The following F13A1 variants were observed in gnomAD, a reference collection of about 807,000 sequenced individuals.
F13A1 encodes the protein FSF, A subunit.
A neutral mutation model predicts 80.1 loss-of-function variants in F13A1; 47 were observed. The observed-to-expected ratio is 0.59, with a 90% CI of 0.46 to 0.75. F13A1 has a LOEUF of 0.75. Ranked by LOEUF, F13A1 falls within the 30% of genes least tolerant of loss-of-function variation. The pLI is 0.00. For missense variants in F13A1, 817 were observed against 930.4 expected (o/e 0.88, Z 1.59); for synonymous variants, 349 against 344.9 (o/e 1.01, Z -0.13).
intron 6 of F13A1, among the ~76,000 whole-genome samples, chr6:6,232,972 C>T: frequency 6.6e-6 from 1 of 152,028 alleles, no homozygotes; most frequent in Non-Finnish European, 1.5e-5. Context: ...GAGGAAAGTT[C>T]ATAGACCTAA....
At chr6:6,228,264 A>G (rs1757303022) in intron 6 of F13A1, among the ~76,000 whole-genome samples, 1 of 152,138 alleles carries the variant, frequency 6.6e-6, no homozygotes, top group Non-Finnish European at 1.5e-5. Context: ...AAAAACCCCT[A>G]AAAGTCATTA....
chr6:6,314,630 A>G (rs1192763272), intron 2 of F13A1, among the ~76,000 whole-genome samples: 2 of 152,156 alleles, frequency 1.3e-5, no homozygotes, highest in African/African-American at 2.4e-5. Context: ...TTTCACTGCA[A>G]TTTGCATAAA....
At chr6:6,308,691 C>A (rs1758549295) in intron 2 of F13A1, among the ~76,000 whole-genome samples, 1 of 143,556 alleles carries the variant, frequency 7.0e-6, no homozygotes, top group Admixed American at 7.4e-5. Flanking sequence ...CAGCTCACTG[C>A]AACTTCTGCC....
intron 10 of F13A1, among the ~76,000 whole-genome samples, chr6:6,185,290 C>A (rs1488998837): frequency 1.6e-5 from 2 of 127,048 alleles, no homozygotes; most frequent in African/African-American, 3.0e-5. Context: ...CTCCCCCCAC[C>A]CCACAACAGT....
rs531571753 is a variant in F13A1 at position 6,159,387 on chromosome 6, A to C, written c.1909-7438T>G. 3.3e-5 allele frequency among the ~76,000 whole-genome samples: 5 copies of C among 152,320 alleles called. No homozygotes were observed. In the South Asian group the frequency reaches 1.0e-3, roughly 32 times the overall value. On this transcript the variant is annotated intron_variant, in intron 13 of 14. Transcript: ENST00000264870. ...CCTCGGTAAAAATTGTGGGCATCTC[A>C]TGAAAAGCTCCAGTTAGAACACAAC...
chr6:6,296,707 C>T (rs1388765749), intron 3 of F13A1, among the ~76,000 whole-genome samples: 1 of 146,992 alleles, frequency 6.8e-6, no homozygotes, highest in Non-Finnish European at 1.5e-5. Flanking sequence ...GACAATTTGA[C>T]TTCCTCTTCT....
intron 13 of F13A1, among the ~76,000 whole-genome samples, chr6:6,159,493 ACTGTGCAAAGTGGAAAAGGGAAC>A (rs1760536529): frequency 6.6e-6 from 1 of 152,210 alleles, no homozygotes; most frequent in African/African-American, 2.4e-5. Context: ...CCAGGATGCA[ACTGTGCAAAGTGGAAAAGGGAAC>A]CCCCTTTTTT....
chr6:6,240,756 G>C (rs1388510587), intron 6 of F13A1, among the ~76,000 whole-genome samples: 1 of 152,104 alleles, frequency 6.6e-6, no homozygotes, highest in East Asian at 1.9e-4. Context: ...AAAATCCCTG[G>C]TGAATAAGGT....
At chr6:6,249,519 G>A (rs1757601448) in intron 5 of F13A1, among the ~76,000 whole-genome samples, 2 of 152,204 alleles carry the variant, frequency 1.3e-5, no homozygotes, top group East Asian at 3.8e-4. Context: ...GCCTCTTTGA[G>A]TGGCAGAAGA....
In F13A1 at chr6:6,313,984, C is replaced by CACTTTTTTTTTTTTTTTTTTT. The variant is rs374113663; in HGVS notation, c.130+4550_130+4551insAAAAAAAAAAAAAAAAAAAGT. ...TCTCCTGTTCTCCATTTTCTCCTTA[C>CACTTTTTTTTTTTTTTTTTTT]TCTTTTTTTTTTTTGAAACGGAGTC... On this transcript the variant is annotated intron_variant, in intron 2 of 14. Coordinates refer to ENST00000264870, the MANE Select transcript of F13A1 (RefSeq NM_000129.4). 2.2e-5 allele frequency among the ~76,000 whole-genome samples: 3 copies of CACTTTTTTTTTTTTTTTTTTT among 139,310 alleles called. 1 individual carries two copies. The highest frequency in any genetic ancestry group is 3.0e-5 in the Non-Finnish European group (2 of 65,948). 91.4% of individuals were successfully genotyped at this position (139,310 alleles called of 152,430 possible). A position where few individuals can be genotyped will look rare whatever the true frequency, so the allele number is the denominator to read the frequency against.
chr6:6,226,894 A>T (rs1308233272), intron 6 of F13A1, among the ~76,000 whole-genome samples: 1 of 152,098 alleles, frequency 6.6e-6, no homozygotes, highest in Admixed American at 6.5e-5. Flanking sequence ...TGAGGAAGGG[A>T]GTTATCAGTT....
intron 7 of F13A1, among the ~76,000 whole-genome samples, chr6:6,222,552 G>C (rs1457030797): frequency 6.6e-6 from 1 of 152,220 alleles, no homozygotes; most frequent in East Asian, 1.9e-4. Context: ...GGAATTTACA[G>C]AGTAGGTCCT....
rs567218218 is a variant in F13A1 at position 6,308,249 on chromosome 6, C to T, written c.131-2710G>A. Among the ~76,000 whole-genome samples the T allele has an allele frequency of 9.2e-5, 14 of 152,232 alleles. No homozygotes were observed. In the South Asian group the frequency reaches 2.3e-3, roughly 25 times the overall value. ...ATGTTGGCCAGGCTGGTCTTGAACT[C>T]CTGACCTCAGGTGATCCGCCGGCTT... On this transcript the variant is annotated intron_variant, in intron 2 of 14. Coordinates refer to ENST00000264870, the MANE Select transcript of F13A1 (RefSeq NM_000129.4).
intron 6 of F13A1, among the ~76,000 whole-genome samples, chr6:6,225,755 A>G (rs1013474330): frequency 1.3e-5 from 2 of 152,204 alleles, no homozygotes; most frequent in South Asian, 2.1e-4. Context: ...CTCCTGCCTC[A>G]GCCTTCCAAA....
chr6:6,197,613 G>C (rs1269710357), intron 8 of F13A1, among the ~76,000 whole-genome samples: 1 of 152,048 alleles, frequency 6.6e-6, no homozygotes, highest in African/African-American at 2.4e-5. Context: ...GGGATATGGA[G>C]GTTACAGTGA....
At chr6:6,320,544 C>T (rs1208494892) in intron 1 of F13A1, 43 bp downstream of exon 1, 1 of 409,034 alleles carries the variant, frequency 2.4e-6, no homozygotes, top group African/African-American at 2.1e-5. Flanking sequence ...AGAAGGTGGA[C>T]GCAGCGGGCC....
intron 4 of F13A1, among the ~76,000 whole-genome samples, chr6:6,252,613 ACT>A (rs1318843956): frequency 6.6e-6 from 1 of 152,200 alleles, no homozygotes; most frequent in Non-Finnish European, 1.5e-5. Flanking sequence ...TCATTGTGCT[ACT>A]CTTTCTGCTT....
intron 1 of F13A1, among the ~76,000 whole-genome samples, chr6:6,319,025 T>C (rs1758730625): frequency 6.6e-6 from 1 of 152,224 alleles, no homozygotes; most frequent in African/African-American, 2.4e-5. Context: ...TCGCAAGAAA[T>C]GTTTCCTGTT....
At chr6:6,307,136 G>A (rs545069263) in intron 2 of F13A1, among the ~76,000 whole-genome samples, 1 of 152,254 alleles carries the variant, frequency 6.6e-6, no homozygotes, top group East Asian at 1.9e-4. Flanking sequence ...CGGTGCAGTG[G>A]GTCTGGCACT....
Sources: gnomAD v4.1 joint callset for allele counts (sites outside exome capture counted in the v4.1 genomes callset) on GRCh38, gnomAD v4.1.1 for gene constraint, MANE v1.5 for transcripts, NCBI Gene and HGNC (gene_info 2026-07-23, HGNC 2026-07-21) for gene names.